WAC: variants seen among roughly 807,000 people sequenced by gnomAD.
WAC encodes WW domain-containing adapter protein with coiled-coil.
A neutral mutation model predicts 79.6 loss-of-function variants in WAC; 11 were observed. The ratio of observed to expected loss-of-function variants is 0.14; its 90% CI spans 0.09 to 0.23. WAC has a LOEUF of 0.23. Ranked by LOEUF, WAC falls within the 10% of genes least tolerant of loss-of-function variation. The pLI is 1.00. For missense variants in WAC, 728 were observed against 773.5 expected, an observed-to-expected ratio of 0.94 and a Z score of 0.70; for synonymous variants, 304 against 276.9, an observed-to-expected ratio of 1.10 and a Z score of -0.97.
rs183589926 is a variant in WAC at position 28,583,612 on chromosome 10, T to A, written c.381+107T>A. The A allele has an allele frequency of 4.5e-3, 3,454 of 773,678 alleles. 43 individuals are homozygous for A. The highest frequency in any genetic ancestry group is 0.04 in the African/African-American group (2,191 of 55,314). 47.9% of individuals were successfully genotyped at this position (773,678 alleles called of 1,614,324 possible). ...TTGTAAAATCTAATGTCTTTTTTTTTAAAAATGTTTCAATCACAGTCTTAA... is the reference window on the plus strand; with the variant it reads ...TTGTAAAATCTAATGTCTTTTTTTTAAAAAATGTTTCAATCACAGTCTTAA... On this transcript the variant is annotated intron_variant, in intron 4 of 13. Transcript: ENST00000354911.
At chr10:28,610,277 T>C (rs540428838) in intron 8 of WAC, among the ~76,000 whole-genome samples, 194 of 152,222 alleles carry the variant, frequency 1.3e-3, no homozygotes, top group Middle Eastern at 0.01. Flanking sequence ...GATCTTGATA[T>C]AGGATTTGAA....
At chr10:28,611,126 A>G (rs1281580689) in intron 9 of WAC, 3 of 622,086 alleles carry the variant, frequency 4.8e-6, no homozygotes, top group Non-Finnish European at 7.2e-6. Context: ...AGCTGAAAGT[A>G]AACTATGATG....
intron 3 of WAC, among the ~76,000 whole-genome samples, chr10:28,540,614 G>A (rs1206379636): frequency 1.3e-5 from 2 of 152,200 alleles, no homozygotes; most frequent in Non-Finnish European, 2.9e-5. Flanking sequence ...ACTTGTTTAC[G>A]AAGTGGAAAC....
At chr10:28,565,476 A>C (rs545891850) in intron 3 of WAC, among the ~76,000 whole-genome samples, 3 of 152,330 alleles carry the variant, frequency 2.0e-5, no homozygotes, top group African/African-American at 7.2e-5. Flanking sequence ...GGGCTCAAGC[A>C]ATCCTCTTGC....
chr10:28,570,154 A>ACCATGCCTGGC (rs1838864294), intron 3 of WAC, among the ~76,000 whole-genome samples: 1 of 152,178 alleles, frequency 6.6e-6, no homozygotes, highest in Non-Finnish European at 1.5e-5. Flanking sequence ...GTAATACGCT[A>ACCATGCCTGGC]CCTTTTTTCT....
intron 3 of WAC, among the ~76,000 whole-genome samples, chr10:28,576,286 C>A (rs1839240535): frequency 6.6e-6 from 1 of 151,942 alleles, no homozygotes; most frequent in African/African-American, 2.4e-5. Context: ...AAATATGTAG[C>A]CATATATATA....
At chr10:28,535,891 T>A (rs1407865706) in intron 3 of WAC, 134 bp downstream of exon 3, 2 of 814,884 alleles carry the variant, frequency 2.5e-6, no homozygotes, top group East Asian at 3.0e-5. Context: ...CCTATCATTT[T>A]TTTTTTACTC....
intron 7 of WAC, among the ~76,000 whole-genome samples, chr10:28,596,991 G>A (rs1247712165): frequency 6.6e-6 from 1 of 152,010 alleles, no homozygotes; most frequent in Non-Finnish European, 1.5e-5. Flanking sequence ...GATTAATAGA[G>A]ACTAATATTT....
chr10:28,535,454 T>A, intron 2 of WAC, 108 bp from the exon 3 acceptor site: 2 of 1,343,004 alleles, frequency 1.5e-6, no homozygotes, highest in Non-Finnish European at 2.0e-6. Flanking sequence ...AATTTTAATT[T>A]TGTAAGTTCA....
Position 28,617,681 on chromosome 10 carries a change from C to G in WAC, c.1771C>G (p.His591Asp). Residue 591 changes from histidine (H) to aspartate (D), a missense_variant, in exon 13 of 14, where the codon CAT becomes GAT. Transcript: ENST00000354911. ...GGCATCAAGATTACGCGAAGAAGCG[C>G]ATAACATGGGAACTATTCACATGTC... The part of the protein sequence containing the change: ...KQASRLREEA[H>D]NMGTIHMSEI... 6.3e-7 allele frequency: 1 copy of G among 1,584,008 alleles called. No individual in the cohort carries two copies. Among genetic ancestry groups the G allele is most frequent in the Non-Finnish European group, 8.5e-7 (1 of 1,170,558 alleles).
Position 28,595,742 on chromosome 10 carries a change from A to C in WAC, c.620A>C (p.Lys207Thr). The change falls in exon 7 of 14, where the codon AAG becomes ACG. Residue 207 changes from lysine to threonine, a missense_variant. Lys to Thr is a moderately conservative substitution (Grantham distance 78). This residue lies in a region of WAC where 648 missense variants were observed against 661.5 expected (regional missense o/e 0.98). Coordinates refer to ENST00000354911, the MANE Select transcript of WAC (RefSeq NM_016628.5). ...TSGFASGMEDKHSSDASSLLP... is the reference protein window; with the variant it reads ...TSGFASGMEDTHSSDASSLLP... ...GAACTGTGAACTAAAGTGGAAGACA[A>C]GCATTCCAGTGATGCCAGTAGTTTG... 6.2e-7 allele frequency: 1 copy of C among 1,611,352 alleles called. No individual in the cohort carries two copies. The highest frequency in any genetic ancestry group is 8.5e-7 in the Non-Finnish European group (1 of 1,177,830).
intron 13 of WAC, 131 bp from the exon 14 acceptor site, chr10:28,619,406 A>G: frequency 1.5e-6 from 1 of 665,270 alleles, no homozygotes; most frequent in Non-Finnish European, 2.5e-6. Flanking sequence ...ATAGTTAAAT[A>G]ATTTTTTAAA....
chr10:28,576,088 C>T (rs1839230569), intron 3 of WAC, among the ~76,000 whole-genome samples: 1 of 152,132 alleles, frequency 6.6e-6, no homozygotes, highest in African/African-American at 2.4e-5. Context: ...CGTTAGTACA[C>T]TCTTAGGATG....
chr10:28,608,617 T>C, intron 8 of WAC, 186 bp downstream of exon 8: 1 of 624,288 alleles, frequency 1.6e-6, no homozygotes, highest in Non-Finnish European at 2.7e-6. Flanking sequence ...AGACCATTGG[T>C]AGTATAATTG....
intron 7 of WAC, among the ~76,000 whole-genome samples, chr10:28,600,112 G>A (rs1840567169): frequency 6.6e-6 from 1 of 152,074 alleles, no homozygotes; most frequent in Admixed American, 6.5e-5. Flanking sequence ...TAGTGATTTA[G>A]AATTATGATT....
chr10:28,617,619 GTTTATATT>G, intron 12 of WAC, 30 bp from the exon 13 acceptor site: 5 of 1,515,224 alleles, frequency 3.3e-6, no homozygotes, highest in Non-Finnish European at 4.4e-6. Flanking sequence ...GTATGTTAAT[GTTTATATT>G]TTATGTTTTC....
chr10:28,550,135 C>T (rs1837577951), intron 3 of WAC, among the ~76,000 whole-genome samples: 1 of 150,164 alleles, frequency 6.7e-6, no homozygotes. Context: ...CACCACTGCA[C>T]TCCAGTGGGT....
intron 7 of WAC, 49 bp from the exon 8 acceptor site, chr10:28,608,137 A>C (rs776296891): frequency 5.6e-6 from 9 of 1,604,662 alleles, no homozygotes; most frequent in Middle Eastern, 3.3e-4. Context: ...TGTTTGTTCC[A>C]ATTTTCTCTA....
chr10:28,614,262 C>T (rs1261351427), intron 10 of WAC, among the ~76,000 whole-genome samples: 6 of 152,028 alleles, frequency 3.9e-5, no homozygotes, highest in African/African-American at 9.7e-5. Context: ...CCCGCCACTG[C>T]GCCCGGCTAA....
Sources: gnomAD v4.1 joint callset for allele counts (sites outside exome capture counted in the v4.1 genomes callset) on GRCh38, gnomAD v4.1.1 for gene constraint, gnomAD v4.1.1 regional missense constraint, MANE v1.5 for transcripts, NCBI Gene and HGNC (gene_info 2026-07-23, HGNC 2026-07-21) for gene names.